Variants in ARPP21 observed in about 807,000 individuals in gnomAD.
The protein encoded by ARPP21 is cAMP regulated phosphoprotein 21.
A neutral mutation model predicts 113.2 loss-of-function variants in ARPP21; 69 were observed. The ratio of observed to expected loss-of-function variants is 0.61; its 90% CI spans 0.50 to 0.74. The LOEUF is 0.74. Ranked by LOEUF, ARPP21 falls within the 30% of genes least tolerant of loss-of-function variation. The pLI is 0.00. For synonymous variants in ARPP21, 368 were observed against 375.5 expected, an observed-to-expected ratio of 0.98 and a Z score of 0.23; for missense variants, 1,070 against 1,037.4, an observed-to-expected ratio of 1.03 and a Z score of -0.43.
At chr3:35,762,138 A>T (rs1471899163) in intron 19 of ARPP21, among the ~76,000 whole-genome samples, 2 of 149,344 alleles carry the variant, frequency 1.3e-5, no homozygotes, top group Non-Finnish European at 3.0e-5. Flanking sequence ...ACACACACAC[A>T]CACACACACA....
intron 19 of ARPP21, among the ~76,000 whole-genome samples, chr3:35,764,530 C>G (rs1222287611): frequency 6.6e-6 from 1 of 152,130 alleles, no homozygotes; most frequent in Non-Finnish European, 1.5e-5. Flanking sequence ...TTCCTCCATG[C>G]ATTCCCGAGG....
At chr3:35,667,954 GA>G (rs1193687130) in intron 1 of ARPP21, among the ~76,000 whole-genome samples, 1 of 18,578 alleles carries the variant, frequency 5.4e-5, no homozygotes, top group African/African-American at 1.8e-4. Flanking sequence ...AAGAAAAGAA[GA>G]AGAAGAAGAA....
chr3:35,691,233 T>C (rs541514118), intron 9 of ARPP21, among the ~76,000 whole-genome samples: 22 of 151,826 alleles, frequency 1.4e-4, no homozygotes, highest in Admixed American at 9.9e-4. Context: ...CTCTTTTACA[T>C]AGCTCCTGAA....
At chr3:35,772,481 C>G (rs1413730449) in intron 19 of ARPP21, among the ~76,000 whole-genome samples, 1 of 152,170 alleles carries the variant, frequency 6.6e-6, no homozygotes, top group African/African-American at 2.4e-5. Context: ...ATGTCATGAG[C>G]TGATATTCAG....
At chr3:35,764,934 C>G (rs1366217995) in intron 19 of ARPP21, among the ~76,000 whole-genome samples, 2 of 152,100 alleles carry the variant, frequency 1.3e-5, no homozygotes, top group African/African-American at 4.8e-5. Flanking sequence ...TTTCACTTCA[C>G]AGGATCTGAT....
chr3:35,676,484 A>AACATTTATAT (rs1559574401), intron 1 of ARPP21, among the ~76,000 whole-genome samples: 1 of 151,926 alleles, frequency 6.6e-6, no homozygotes, highest in South Asian at 2.1e-4. Context: ...ATTTTCTTAA[A>AACATTTATAT]TGTCCTCCTC....
At chr3:35,750,573 C>G (rs993698959) in intron 19 of ARPP21, among the ~76,000 whole-genome samples, 6 of 152,048 alleles carry the variant, frequency 3.9e-5, no homozygotes, top group Admixed American at 2.6e-4. Flanking sequence ...TATATATCAG[C>G]CAAATCAGGT....
intron 9 of ARPP21, among the ~76,000 whole-genome samples, chr3:35,696,502 C>T (rs536606426): frequency 6.6e-6 from 1 of 151,502 alleles, no homozygotes; most frequent in Non-Finnish European, 1.5e-5. Context: ...AATAGAGTCA[C>T]TGAGCTGAGA....
intron 5 of ARPP21, chr3:35,684,571 T>G: frequency 1.0e-6 from 1 of 985,600 alleles, no homozygotes; most frequent in Non-Finnish European, 1.2e-6. Flanking sequence ...ATTGTACTTA[T>G]TTTATCAGAG....
chr3:35,734,915 T>G (rs2094243105), intron 15 of ARPP21, among the ~76,000 whole-genome samples: 1 of 152,238 alleles, frequency 6.6e-6, no homozygotes, highest in Non-Finnish European at 1.5e-5. Context: ...GAATGAGACC[T>G]AGAGTATATC....
At chr3:35,767,909 G>T (rs1333704960) in intron 19 of ARPP21, among the ~76,000 whole-genome samples, 1 of 151,830 alleles carries the variant, frequency 6.6e-6, no homozygotes, top group Non-Finnish European at 1.5e-5. Flanking sequence ...AAATCAGCAT[G>T]GGAACTCTGC....
At chr3:35,743,692 GCATGCA>G (rs1267617439) in intron 18 of ARPP21, 141 bp from the exon 19 acceptor site, 2 of 736,552 alleles carry the variant, frequency 2.7e-6, no homozygotes, top group Admixed American at 2.5e-5. Flanking sequence ...GGGAGAAGTA[GCATGCA>G]CATACACATA....
At chr3:35,776,689 G>A (rs1327298112) in intron 19 of ARPP21, among the ~76,000 whole-genome samples, 1 of 152,092 alleles carries the variant, frequency 6.6e-6, no homozygotes, top group Non-Finnish European at 1.5e-5. Flanking sequence ...CCTTATATGA[G>A]GACAAGAAGG....
intron 19 of ARPP21, among the ~76,000 whole-genome samples, chr3:35,762,518 T>A (rs1229573685): frequency 1.3e-5 from 2 of 152,068 alleles, no homozygotes; most frequent in Non-Finnish European, 2.9e-5. Context: ...ATTACAATGA[T>A]CTACTTATTT....
At chr3:35,735,975 G>A (rs962068111) in intron 15 of ARPP21, among the ~76,000 whole-genome samples, 6 of 151,986 alleles carry the variant, frequency 3.9e-5, no homozygotes, top group East Asian at 1.9e-4. Flanking sequence ...TTTCAGTTAC[G>A]ACACATTTTT....
intron 1 of ARPP21, among the ~76,000 whole-genome samples, chr3:35,675,699 TC>T (rs1433725560): frequency 6.6e-6 from 1 of 151,934 alleles, no homozygotes; most frequent in Non-Finnish European, 1.5e-5. Context: ...GCAGGTGTTC[TC>T]TGAACATTGC....
At chr3:35,764,500 A>C (rs2095884909) in intron 19 of ARPP21, among the ~76,000 whole-genome samples, 1 of 152,062 alleles carries the variant, frequency 6.6e-6, no homozygotes, top group Admixed American at 6.6e-5. Context: ...TTCTGAGTTA[A>C]ATTTGGATTC....
intron 19 of ARPP21, among the ~76,000 whole-genome samples, chr3:35,761,254 T>C (rs181728443): frequency 4.2e-4 from 64 of 152,256 alleles, no homozygotes; most frequent in Admixed American, 7.9e-4. Flanking sequence ...TTGCTTTCTC[T>C]ATATTTAGAG....
chr3:35,689,287 C>T lies in ARPP21; in HGVS notation c.407-20C>T, dbSNP rs201474256. The T allele has an allele frequency of 6.5e-5, 78 of 1,206,246 alleles. No individual in the cohort carries two copies. In the African/African-American group the frequency reaches 9.1e-4, roughly 14 times the overall value. 74.7% of individuals were successfully genotyped at this position (1,206,246 alleles called of 1,614,324 possible). ...TTTCCACCATCATTCCTGACAGCTC[C>T]GTCCTGCTATTTGTTTCAGATTGCA... is the stretch of plus-strand genomic sequence containing the variant. On this transcript the variant is annotated intron_variant, in intron 6 of 20. Coordinates refer to ENST00000684406, the MANE Select transcript of ARPP21 (RefSeq NM_001385562.1).
Sources: gnomAD v4.1 joint callset for allele counts (sites outside exome capture counted in the v4.1 genomes callset) on GRCh38, gnomAD v4.1.1 for gene constraint, MANE v1.5 for transcripts, NCBI Gene and HGNC (gene_info 2026-07-23, HGNC 2026-07-21) for gene names.